The following SCHIP1 variants were observed in gnomAD, a reference collection of about 807,000 sequenced individuals.
SCHIP1 encodes schwannomin interacting protein 1, also known as schwannomin-interacting protein 1.
SCHIP1 carries 8 observed loss-of-function variants against 29.7 expected under a neutral mutation model. The ratio of observed to expected loss-of-function variants is 0.27; its 90% CI spans 0.16 to 0.49. The LOEUF (loss-of-function observed/expected upper bound fraction) is 0.49. Among genes scored for constraint, SCHIP1 ranks in the 20% least tolerant of loss-of-function variants. The pLI is 0.99. For missense variants in SCHIP1, 193 were observed against 294.6 expected (o/e 0.66, Z 2.52); for synonymous variants, 76 against 94.9 (o/e 0.80, Z 1.16).
At chr3:159,536,899 C>T in the SCHIP1 span, among the ~76,000 whole-genome samples, 1 of 152,172 alleles carries the variant, frequency 6.6e-6, no homozygotes, top group Admixed American at 6.5e-5. Context: ...TATCATCTAG[C>T]TCTTGAGGTT....
chr3:159,307,650 G>C, the SCHIP1 span, among the ~76,000 whole-genome samples: 1 of 152,124 alleles, frequency 6.6e-6, no homozygotes, highest in Non-Finnish European at 1.5e-5. Context: ...GCCAAAGCCA[G>C]TGTTAAGAAG....
At chr3:159,296,295 G>A in the SCHIP1 span, among the ~76,000 whole-genome samples, 1 of 152,164 alleles carries the variant, frequency 6.6e-6, no homozygotes, top group Non-Finnish European at 1.5e-5. Flanking sequence ...TATAGAGGGA[G>A]TACTTTCTTA....
intron 2 of SCHIP1, among the ~76,000 whole-genome samples, chr3:159,881,208 C>G (rs923135676): frequency 6.6e-6 from 1 of 152,092 alleles, no homozygotes; most frequent in Non-Finnish European, 1.5e-5. Context: ...TTTTTAGATA[C>G]TTGAGTAGTT....
chr3:159,803,701 A>G, the SCHIP1 span, among the ~76,000 whole-genome samples: 1 of 152,176 alleles, frequency 6.6e-6, no homozygotes, highest in Admixed American at 6.5e-5. Flanking sequence ...TTTCATTGGC[A>G]TGCACCCAGG....
the SCHIP1 span, among the ~76,000 whole-genome samples, chr3:159,353,885 C>T: frequency 3.3e-5 from 5 of 152,084 alleles, no homozygotes; most frequent in Non-Finnish European, 5.9e-5. Flanking sequence ...CATTAAACGC[C>T]GCCTTCTATC....
In SCHIP1 at chr3:159,860,011, C is replaced by G. The variant is rs557379436; in HGVS notation, c.31-6152C>G. ...TGTGTGTGTGCGTGTGTGTGTGTGTCTGTCTGTCTGTCTGTCTGCGTGTGT... is the reference window on the plus strand; with the variant it reads ...TGTGTGTGTGCGTGTGTGTGTGTGTGTGTCTGTCTGTCTGTCTGCGTGTGT... On this transcript the variant is annotated intron_variant, in intron 1 of 6. Transcript: ENST00000445224. Among the ~76,000 whole-genome samples the G allele has an allele frequency of 1.5e-3, 223 of 149,346 alleles. 1 individual carries two copies. The highest frequency in any genetic ancestry group is 3.5e-3 in the Middle Eastern group (1 of 288).
At chr3:159,850,866 C>T (rs1251044463) in intron 1 of SCHIP1, among the ~76,000 whole-genome samples, 1 of 152,176 alleles carries the variant, frequency 6.6e-6, no homozygotes, top group African/African-American at 2.4e-5. Context: ...TCACACCAGG[C>T]CCTACCTCCA....
the SCHIP1 span, among the ~76,000 whole-genome samples, chr3:159,773,802 A>T: frequency 2.6e-5 from 4 of 152,202 alleles, no homozygotes; most frequent in Non-Finnish European, 5.9e-5. Context: ...TAGCGGAGAG[A>T]AGATCTCTGT....
the SCHIP1 span, among the ~76,000 whole-genome samples, chr3:159,335,612 C>T: frequency 9.3e-3 from 1,419 of 152,108 alleles, 24 homozygotes; most frequent in African/African-American, 0.032. Context: ...TTTATCCTTG[C>T]GATAGTTTGC....
chr3:159,416,638 A>G, the SCHIP1 span, among the ~76,000 whole-genome samples: 2 of 152,352 alleles, frequency 1.3e-5, no homozygotes, highest in Admixed American at 1.3e-4. Flanking sequence ...CAAACATTCA[A>G]TAATTCATCA....
chr3:159,791,451 TCAGG>T, the SCHIP1 span, among the ~76,000 whole-genome samples: 1 of 152,226 alleles, frequency 6.6e-6, no homozygotes, highest in Non-Finnish European at 1.5e-5. Context: ...CTGCTGTGGC[TCAGG>T]CATAGCCCTC....
chr3:159,276,334 G>C, the SCHIP1 span, among the ~76,000 whole-genome samples: 134 of 152,190 alleles, frequency 8.8e-4, no homozygotes, highest in African/African-American at 3.1e-3. Context: ...GGATCCTTGG[G>C]GTTATTTCAG....
chr3:159,505,539 T>C, the SCHIP1 span, among the ~76,000 whole-genome samples: 1 of 152,186 alleles, frequency 6.6e-6, no homozygotes, highest in Non-Finnish European at 1.5e-5. Flanking sequence ...TTGTTACATA[T>C]GTATACATGT....
chr3:159,728,617 G>A, the SCHIP1 span, among the ~76,000 whole-genome samples: 1 of 152,158 alleles, frequency 6.6e-6, no homozygotes, highest in Non-Finnish European at 1.5e-5. Flanking sequence ...TCCCAGTGAG[G>A]CTGGGATGGG....
the SCHIP1 span, among the ~76,000 whole-genome samples, chr3:159,656,914 G>A: frequency 3.3e-5 from 5 of 152,136 alleles, no homozygotes; most frequent in Admixed American, 3.3e-4. Flanking sequence ...CTCTTCTGTT[G>A]TAATAGTGTA....
chr3:159,396,609 G>A, the SCHIP1 span, among the ~76,000 whole-genome samples: 1 of 151,866 alleles, frequency 6.6e-6, no homozygotes, highest in East Asian at 1.9e-4. Context: ...TGAAATTCTG[G>A]GTTGAAAATT....
chr3:159,462,738 A>T, the SCHIP1 span, among the ~76,000 whole-genome samples: 16 of 152,184 alleles, frequency 1.1e-4, no homozygotes, highest in African/African-American at 3.4e-4. Flanking sequence ...TCTTCCCCTC[A>T]GTTCTTGTTC....
the SCHIP1 span, among the ~76,000 whole-genome samples, chr3:159,433,431 T>G: frequency 2.0e-5 from 3 of 152,176 alleles, no homozygotes; most frequent in African/African-American, 7.2e-5. Context: ...GGTTCCTGAC[T>G]AGAATTAAAA....
At chr3:159,624,245 G>C in the SCHIP1 span, among the ~76,000 whole-genome samples, 2 of 152,146 alleles carry the variant, frequency 1.3e-5, no homozygotes, top group Non-Finnish European at 2.9e-5. Context: ...TCAAGAACAT[G>C]AGATTTGAAA....
Sources: allele counts gnomAD v4.1 joint callset (sites outside exome capture counted in the v4.1 genomes callset), GRCh38; gene constraint gnomAD v4.1.1; transcripts MANE v1.5; gene names NCBI Gene and HGNC (gene_info 2026-07-23, HGNC 2026-07-21).